ZNRF1: variants seen among roughly 807,000 people sequenced by gnomAD.
The protein encoded by ZNRF1 is zinc and ring finger 1.
ZNRF1 carries 3 observed loss-of-function variants against 18.4 expected under a neutral mutation model. The observed-to-expected ratio is 0.16, with a 90% CI of 0.07 to 0.42. ZNRF1 has a LOEUF of 0.42. ZNRF1 is among the 10% of genes least tolerant of loss of function. The pLI is 0.99. For synonymous variants in ZNRF1, 157 were observed against 144.2 expected (o/e 1.09, Z -0.64); for missense variants, 310 against 329.8 (o/e 0.94, Z 0.47).
At chr16:75,000,356 C>A (rs1440242723) in intron 1 of ZNRF1, 3 of 661,120 alleles carry the variant, frequency 4.5e-6, no homozygotes, top group South Asian at 1.5e-5. Context: ...TATTGGAGTT[C>A]CATTTATTGG....
rs1597911917 is a variant in ZNRF1 at position 75,102,843 on chromosome 16, C to A, written c.521-1941C>A. Among the ~76,000 whole-genome samples the A allele has an allele frequency of 2.0e-5, 3 of 152,346 alleles. No homozygotes were observed. In the South Asian group the frequency reaches 6.2e-4, roughly 32 times the overall value. On this transcript the variant is annotated intron_variant, in intron 2 of 4. Transcript: ENST00000335325. ...CCTGGGCACCCTCCCTTAGTGCAGGCACCTGCTGTGTGTCCCGCTGCCCTC... is the reference window on the plus strand; with the variant it reads ...CCTGGGCACCCTCCCTTAGTGCAGGAACCTGCTGTGTGTCCCGCTGCCCTC...
At position 75,108,521 on chromosome 16, in the gene ZNRF1, G is replaced by A; in HGVS notation, c.*821G>A. ...AGCTACCCCTGTTTTCAGGCACTAT[G>A]TTTGAGAACATTTTAGCCATTGATG... is the stretch of plus-strand genomic sequence containing the variant. On this transcript the variant is annotated 3_prime_UTR_variant, in exon 5 of 5. Transcript: ENST00000335325. 1 of 398,438 alleles carries A rather than the reference G, an allele frequency of 2.5e-6. No homozygotes were observed. The highest frequency in any genetic ancestry group is 4.4e-6 in the Non-Finnish European group (1 of 225,974). The allele number at this position is 398,438 out of a possible 1,614,324, so 24.7% of individuals were successfully genotyped here.
intron 1 of ZNRF1, among the ~76,000 whole-genome samples, chr16:75,056,966 C>A (rs116534336): frequency 6.6e-6 from 1 of 152,170 alleles, no homozygotes; most frequent in Non-Finnish European, 1.5e-5. Flanking sequence ...CCACTAGATT[C>A]CTCTCCTGAT....
chr16:75,066,874 T>G (rs549531533), intron 1 of ZNRF1, among the ~76,000 whole-genome samples: 1 of 152,190 alleles, frequency 6.6e-6, no homozygotes, highest in Non-Finnish European at 1.5e-5. Flanking sequence ...TTTCAGTAAC[T>G]GTGGGGTAAC....
chr16:75,075,904 A>G (rs1289286291), intron 1 of ZNRF1, among the ~76,000 whole-genome samples: 2 of 152,200 alleles, frequency 1.3e-5, no homozygotes, highest in African/African-American at 2.4e-5. Context: ...GCCATTGGAG[A>G]TGCTTCATTG....
chr16:75,083,377 G>T (rs2036037943), intron 1 of ZNRF1, among the ~76,000 whole-genome samples: 1 of 152,218 alleles, frequency 6.6e-6, no homozygotes, highest in Non-Finnish European at 1.5e-5. Flanking sequence ...TAGTGATTGG[G>T]AAAGCGTGTT....
chr16:75,009,914 T>A lies in ZNRF1; in HGVS notation c.424+9819T>A, dbSNP rs1387582844. Among the ~76,000 whole-genome samples the A allele has an allele frequency of 6.9e-5, 10 of 145,668 alleles. No individual in the cohort carries two copies. In the Admixed American group the frequency reaches 7.2e-4, roughly 10 times the overall value. On this transcript the variant is annotated intron_variant, in intron 1 of 4. Transcript: ENST00000335325. ...GTGATATTGAGCATCTTTTCATGTG[T>A]TTATTGGCCATTTGTATATCTTTTT...
chr16:75,070,093 G>A (rs1423535104), intron 1 of ZNRF1, among the ~76,000 whole-genome samples: 2 of 152,010 alleles, frequency 1.3e-5, no homozygotes, highest in Non-Finnish European at 2.9e-5. Context: ...AAATATAAGG[G>A]GATGCCAAAA....
In ZNRF1 at chr16:75,030,833, C is replaced by CTTTTTTT. The variant is rs59468839; in HGVS notation, c.424+30754_424+30760dup. On this transcript the variant is annotated intron_variant, in intron 1 of 4. Transcript: ENST00000335325. The stretch of plus-strand genomic sequence containing the variant: ...CATTGTAGCATGCAGCACTTTATTC[C>CTTTTTTT]TTTTTTTTTTTTTTTTTTTTTTGTT... Among the ~76,000 whole-genome samples, 52 of 91,414 alleles carry CTTTTTTT rather than the reference C, an allele frequency of 5.7e-4. 5 individuals carry two copies. The highest frequency in any genetic ancestry group is 7.3e-4 in the Admixed American group (5 of 6,872). 60.0% of individuals were successfully genotyped at this position (91,414 alleles called of 152,430 possible). A position where few individuals can be genotyped will look rare whatever the true frequency, so the allele number is the denominator to read the frequency against.
chr16:75,103,205 A>G (rs62059204), intron 2 of ZNRF1, among the ~76,000 whole-genome samples: 14,085 of 152,200 alleles, frequency 0.093, 811 homozygotes, highest in African/African-American at 0.15. Flanking sequence ...ATAGGACTTA[A>G]TAAAAACCAG....
chr16:75,072,962 C>T (rs1353877552), intron 1 of ZNRF1, among the ~76,000 whole-genome samples: 1 of 152,078 alleles, frequency 6.6e-6, no homozygotes, highest in African/African-American at 2.4e-5. Flanking sequence ...CACACTCAAC[C>T]GGTTATCTAG....
At chr16:75,006,911 C>T (rs1396692148) in intron 1 of ZNRF1, among the ~76,000 whole-genome samples, 2 of 152,304 alleles carry the variant, frequency 1.3e-5, no homozygotes, top group East Asian at 1.9e-4. Flanking sequence ...CTTAGGTTCT[C>T]ACTAGAACAC....
chr16:75,094,288 C>G (rs889199877), intron 2 of ZNRF1, among the ~76,000 whole-genome samples: 3 of 152,190 alleles, frequency 2.0e-5, no homozygotes, highest in Admixed American at 6.5e-5. Context: ...TGCCTCCTAC[C>G]TTGGAGGCTG....
chr16:75,057,890 C>G (rs1450910416), intron 1 of ZNRF1, among the ~76,000 whole-genome samples: 1 of 152,208 alleles, frequency 6.6e-6, no homozygotes, highest in Non-Finnish European at 1.5e-5. Flanking sequence ...ATCCACCTGC[C>G]TCAGCCTCCC....
rs1034015314 is a variant in ZNRF1, at chr16:75,110,985, G to C, written c.*3285G>C. On this transcript the variant is annotated 3_prime_UTR_variant, in exon 5 of 5. Coordinates refer to ENST00000335325, the MANE Select transcript of ZNRF1 (RefSeq NM_032268.5). Reference sequence around the variant, plus strand: ...AGCACGGGACAGAAACGTCACGGAGGAGTAGCCTCCAGGCTCAGGTTGGTG... The same window carrying C: ...AGCACGGGACAGAAACGTCACGGAGCAGTAGCCTCCAGGCTCAGGTTGGTG... 2 of 152,310 alleles carry C rather than the reference G, an allele frequency of 1.3e-5. No individual in the cohort carries two copies. 9.4% of individuals were successfully genotyped at this position (152,310 alleles called of 1,614,324 possible).
At chr16:75,058,106 CTT>C (rs35226969) in intron 1 of ZNRF1, among the ~76,000 whole-genome samples, 18,267 of 140,160 alleles carry the variant, frequency 0.13, 1,267 homozygotes, top group Non-Finnish European at 0.17. Context: ...CTTTCCTTTT[CTT>C]TTTTTTTTTT....
chr16:75,083,951 G>C (rs977239126), intron 1 of ZNRF1, among the ~76,000 whole-genome samples: 3 of 152,228 alleles, frequency 2.0e-5, no homozygotes, highest in Admixed American at 6.5e-5. Context: ...AGTTCCAGAA[G>C]CTTGCTGGCT....
chr16:75,072,473 G>A (rs898927026), intron 1 of ZNRF1, among the ~76,000 whole-genome samples: 7 of 152,142 alleles, frequency 4.6e-5, no homozygotes, highest in African/African-American at 1.4e-4. Flanking sequence ...CCTCATCAGA[G>A]TTTAAGCTTC....
intron 1 of ZNRF1, among the ~76,000 whole-genome samples, chr16:75,074,693 G>A (rs2035916231): frequency 6.6e-6 from 1 of 152,120 alleles, no homozygotes; most frequent in Non-Finnish European, 1.5e-5. Flanking sequence ...ACCCTGATTT[G>A]ATCATTGTTG....
Sources: allele counts gnomAD v4.1 joint callset (sites outside exome capture counted in the v4.1 genomes callset), GRCh38; gene constraint gnomAD v4.1.1; transcripts MANE v1.5; gene names NCBI Gene and HGNC (gene_info 2026-07-23, HGNC 2026-07-21).